CUX1: variants seen among roughly 807,000 people sequenced by gnomAD.
CUX1 encodes cut like homeobox 1, also known as protein CASP.
Under a neutral mutation model 158.8 loss-of-function variants are expected in CUX1, and 31 were observed. The ratio of observed to expected loss-of-function variants is 0.20; its 90% CI spans 0.15 to 0.26. CUX1 has a LOEUF of 0.26. CUX1 is among the 10% of genes least tolerant of loss of function. CUX1 has a pLI of 1.00. For missense variants in CUX1, 1,589 were observed against 2,014.6 expected, an observed-to-expected ratio of 0.79 and a Z score of 4.04; for synonymous variants, 879 against 862.1, an observed-to-expected ratio of 1.02 and a Z score of -0.34.
At position 101,917,138 on chromosome 7, in the gene CUX1, A is replaced by G. The variant is rs113094632; in HGVS notation, c.141+913A>G. Reference sequence around the variant, plus strand: ...CCGTATCGTAGCTCTTGGCTCCTCCATATAAGACATAGGAACATGCCTGGA... The same window carrying G: ...CCGTATCGTAGCTCTTGGCTCCTCCGTATAAGACATAGGAACATGCCTGGA... On this transcript the variant is annotated intron_variant, in intron 2 of 23. Transcript: ENST00000292535. Among the ~76,000 whole-genome samples, 29 of 152,330 alleles carry G rather than the reference A, an allele frequency of 1.9e-4. 1 individual carries two copies. The East Asian group carries it at 3.3e-3, about 17-fold the overall frequency.
intron 22 of CUX1, among the ~76,000 whole-genome samples, chr7:102,238,107 T>G (rs534677291): frequency 1.6e-4 from 25 of 152,268 alleles, no homozygotes; most frequent in African/African-American, 6.0e-4. Context: ...GGGAGATGGT[T>G]AGGCCTCCAG....
At chr7:101,918,695 G>T (rs1563008356) in intron 2 of CUX1, among the ~76,000 whole-genome samples, 1 of 152,260 alleles carries the variant, frequency 6.6e-6, no homozygotes, top group African/African-American at 2.4e-5. Flanking sequence ...AATCTGTGGG[G>T]CGCCCACGCG....
intron 20 of CUX1, among the ~76,000 whole-genome samples, chr7:102,211,867 AGAGGCAGGT>A (rs1359353904): frequency 2.6e-5 from 4 of 151,476 alleles, no homozygotes; most frequent in Non-Finnish European, 4.4e-5. Context: ...GAACCCTTCC[AGAGGCAGGT>A]GAGGCAGGCC....
chr7:102,175,895 C>T (rs1468167471), intron 10 of CUX1, among the ~76,000 whole-genome samples: 1 of 152,232 alleles, frequency 6.6e-6, no homozygotes, highest in Non-Finnish European at 1.5e-5. Flanking sequence ...TGCCGAATCG[C>T]TATAAAAGTT....
chr7:102,170,859 C>T (rs1257170601), intron 10 of CUX1, among the ~76,000 whole-genome samples: 1 of 151,914 alleles, frequency 6.6e-6, no homozygotes. Flanking sequence ...GGGGTGTGAT[C>T]GCTGGCATGC....
chr7:101,837,599 C>T lies in CUX1; in HGVS notation c.30+19930C>T, dbSNP rs182122491. ...ATCCCAGGACTTTGGGAGGCTGAGG[C>T]GGGTGGATTGCTTGAGCCCAGGAGT... On this transcript the variant is annotated intron_variant, in intron 1 of 23. Transcript: ENST00000292535. Among the ~76,000 whole-genome samples, 23 of 151,776 alleles carry T rather than the reference C, an allele frequency of 1.5e-4. No homozygotes were observed. In the East Asian group the frequency reaches 3.5e-3, roughly 23 times the overall value.
At chr7:101,890,379 T>G (rs1423658117) in intron 1 of CUX1, among the ~76,000 whole-genome samples, 1 of 151,994 alleles carries the variant, frequency 6.6e-6, no homozygotes, top group Non-Finnish European at 1.5e-5. Context: ...AATGGGGACA[T>G]GAGAGACTCG....
intron 1 of CUX1, among the ~76,000 whole-genome samples, chr7:101,841,423 A>G (rs777667214): frequency 4.0e-5 from 6 of 151,608 alleles, no homozygotes; most frequent in Non-Finnish European, 8.8e-5. Context: ...CTGATCTTGA[A>G]AAAACAGCTT....
intron 11 of CUX1, among the ~76,000 whole-genome samples, chr7:102,180,393 G>A (rs1349624292): frequency 1.4e-5 from 2 of 145,470 alleles, no homozygotes; most frequent in African/African-American, 5.2e-5. Flanking sequence ...CATAGTTCAC[G>A]GCAACCTCGA....
chr7:102,162,438 G>A (rs1790539964), intron 9 of CUX1, among the ~76,000 whole-genome samples: 1 of 152,102 alleles, frequency 6.6e-6, no homozygotes, highest in Non-Finnish European at 1.5e-5. Context: ...CCCATCCTGG[G>A]TTCAAGCGAT....
chr7:102,231,855 A>G (rs968510443), intron 21 of CUX1, among the ~76,000 whole-genome samples: 4 of 151,684 alleles, frequency 2.6e-5, no homozygotes, highest in Non-Finnish European at 4.4e-5. Flanking sequence ...CTGGGACTAC[A>G]GGGGCCCACC....
chr7:101,853,593 G>A lies in CUX1; in HGVS notation c.30+35924G>A, dbSNP rs543108166. Among the ~76,000 whole-genome samples the A allele has an allele frequency of 2.0e-3, 301 of 151,472 alleles. 2 individuals are homozygous for A. Among genetic ancestry groups the A allele is most frequent in the African/African-American group, 6.9e-3 (286 of 41,330 alleles). On this transcript the variant is annotated intron_variant, in intron 1 of 23. Coordinates refer to ENST00000292535, the MANE Select transcript of CUX1 (RefSeq NM_181552.4). ...GCATGGCAATAGAAAGGGTGTGTGT[G>A]TGTGTGTGTGTGTGTGTGTGTGTGT...
intron 1 of CUX1, among the ~76,000 whole-genome samples, chr7:101,822,829 AG>A (rs377688612): frequency 5.3e-4 from 79 of 150,440 alleles, no homozygotes; most frequent in African/African-American, 1.8e-3. Flanking sequence ...TGAGCCCAGG[AG>A]GTGGAGGTTG....
chr7:101,816,951 C>T (rs1432662344), upstream of CUX1: 5 of 983,106 alleles, frequency 5.1e-6, no homozygotes, highest in Non-Finnish European at 6.0e-6. Context: ...CCGGGGAGCG[C>T]CCCGGGGCCA....
intron 2 of CUX1, among the ~76,000 whole-genome samples, chr7:101,948,244 G>C (rs1483595016): frequency 6.6e-6 from 1 of 152,146 alleles, no homozygotes; most frequent in African/African-American, 2.4e-5. Flanking sequence ...CTATTACGTG[G>C]TGATATTTGT....
rs528076630 is a variant in CUX1, at chr7:102,113,308, G to A, written c.607+1534G>A. Among the ~76,000 whole-genome samples, 8 of 151,980 alleles carry A rather than the reference G, an allele frequency of 5.3e-5. No individual in the cohort carries two copies. The East Asian group carries it at 5.8e-4, about 11-fold the overall frequency. ...GGCTGGAGTGAAGTGGCACAATCTC[G>A]GCTCACTGCAACCTCTGCTCCCCGG... is the stretch of plus-strand genomic sequence containing the variant. On this transcript the variant is annotated intron_variant, in intron 7 of 23. Coordinates refer to ENST00000292535, the MANE Select transcript of CUX1 (RefSeq NM_181552.4).
chr7:102,156,854 C>T (rs1424282322), intron 8 of CUX1, among the ~76,000 whole-genome samples: 2 of 152,192 alleles, frequency 1.3e-5, no homozygotes, highest in African/African-American at 4.8e-5. Context: ...GGATATAGGG[C>T]AAAAGGGACC....
At chr7:101,909,824 C>G (rs1803214335) in intron 1 of CUX1, among the ~76,000 whole-genome samples, 4 of 152,242 alleles carry the variant, frequency 2.6e-5, no homozygotes, top group Non-Finnish European at 5.9e-5. Context: ...CTGTGGGAGC[C>G]TGGCCCTGTG....
In CUX1 at chr7:102,239,313, T is replaced by C; in HGVS notation, c.3623-7T>C. On this transcript the variant is annotated splice_polypyrimidine_tract_variant and splice_region_variant and intron_variant, in intron 22 of 23. Transcript: ENST00000292535. ...CTGACCTTAGTCTGCCATCTCTTCC[T>C]CCGCAGCCTACATGAAGCGGCGGCA... 1 of 1,595,638 alleles carries C rather than the reference T, an allele frequency of 6.3e-7. No individual in the cohort carries two copies. Among genetic ancestry groups the C allele is most frequent in the Non-Finnish European group, 8.6e-7 (1 of 1,167,152 alleles).
Sources: gnomAD v4.1 joint callset for allele counts (sites outside exome capture counted in the v4.1 genomes callset) on GRCh38, gnomAD v4.1.1 for gene constraint, MANE v1.5 for transcripts, NCBI Gene and HGNC (gene_info 2026-07-23, HGNC 2026-07-21) for gene names.